Variants in TENM2 observed in about 807,000 individuals in gnomAD.
TENM2 encodes teneurin-2.
Under a neutral mutation model 245.2 loss-of-function variants are expected in TENM2, and 52 were observed. The ratio of observed to expected loss-of-function variants is 0.21; its 90% CI spans 0.17 to 0.27. TENM2 has a LOEUF of 0.27. Among genes scored for constraint, TENM2 ranks in the 10% least tolerant of loss-of-function variants. The probability of loss-of-function intolerance (pLI) is 1.00; values close to 1 mark genes in which losing one functional copy is unlikely to be tolerated. For missense variants in TENM2, 3,046 were observed against 3,666.8 expected (o/e 0.83, Z 4.37); for synonymous variants, 1,363 against 1,438.9 (o/e 0.95, Z 1.19).
rs113230106 is a variant in TENM2 at position 167,306,075 on chromosome 5, G to C, written c.226+21012G>C. On this transcript the variant is annotated intron_variant, in intron 1 of 28. Coordinates refer to ENST00000518659, the Ensembl canonical transcript of TENM2. Reference sequence around the variant, plus strand: ...AAAGCTACCCAGGGTTGCTTAAGGGGAACCAGCATCCCAATATCTAGAAGA... The same window carrying C: ...AAAGCTACCCAGGGTTGCTTAAGGGCAACCAGCATCCCAATATCTAGAAGA... 1.1e-3 allele frequency among the ~76,000 whole-genome samples: 173 copies of C among 152,290 alleles called. 1 individual carries two copies. Among genetic ancestry groups the C allele is most frequent in the African/African-American group, 4.1e-3 (169 of 41,566 alleles).
intron 14 of TENM2, 105 bp downstream of exon 16, chr5:168,190,652 C>G: frequency 1.0e-6 from 1 of 1,000,238 alleles, no homozygotes; most frequent in Non-Finnish European, 1.5e-6. Flanking sequence ...GGCCTGGAAT[C>G]TGCCCCCCTA....
intron 2 of TENM2, among the ~76,000 whole-genome samples, chr5:167,545,679 G>A (rs1390554024): frequency 2.6e-5 from 4 of 152,086 alleles, no homozygotes; most frequent in Non-Finnish European, 5.9e-5. Flanking sequence ...ATGGTTTTAT[G>A]CTTTTATGGG....
chr5:168,238,127 AGAGT>A (rs1008904226), intron 25 of TENM2, among the ~76,000 whole-genome samples: 2 of 138,192 alleles, frequency 1.4e-5, no homozygotes, highest in East Asian at 2.4e-4. Context: ...CCTGGGAGAT[AGAGT>A]GAGACTCCAT....
chr5:167,529,064 A>C (rs1302097215), intron 2 of TENM2, among the ~76,000 whole-genome samples: 1 of 152,230 alleles, frequency 6.6e-6, no homozygotes, highest in Non-Finnish European at 1.5e-5. Flanking sequence ...AAAGATAATA[A>C]TCAGTAAGAA....
At chr5:167,657,040 A>G (rs1446679478) in intron 2 of TENM2, among the ~76,000 whole-genome samples, 1 of 151,474 alleles carries the variant, frequency 6.6e-6, no homozygotes, top group African/African-American at 2.4e-5. Context: ...TACCAGTGGT[A>G]CAAAACACTT....
In TENM2 at chr5:168,022,594, T is replaced by G. The variant is rs1786249526; in HGVS notation, c.1187-24833T>G. ...GCTTTGTGCATTTACAATAAGTGCC[T>G]GCCAAGCATGAGTGTTGCAGGATTA... On this transcript the variant is annotated intron_variant, in intron 5 of 28. Transcript: ENST00000518659. 2.0e-5 allele frequency among the ~76,000 whole-genome samples: 3 copies of G among 152,210 alleles called. No homozygotes were observed. The South Asian group carries it at 6.2e-4, about 32-fold the overall frequency.
chr5:168,113,143 C>G (rs1441237776), intron 9 of TENM2, among the ~76,000 whole-genome samples: 1 of 151,922 alleles, frequency 6.6e-6, no homozygotes, highest in Non-Finnish European at 1.5e-5. Context: ...ATAAAGAGAC[C>G]CCGTCTCTAC....
chr5:167,427,831 G>A (rs1381250070), intron 2 of TENM2, among the ~76,000 whole-genome samples: 9 of 128,434 alleles, frequency 7.0e-5, no homozygotes, highest in Non-Finnish European at 9.5e-5. Context: ...AGGAAGGGAC[G>A]GGAGGGAAGG....
intron 4 of TENM2, among the ~76,000 whole-genome samples, chr5:167,958,807 G>A (rs764430785): frequency 4.6e-5 from 7 of 152,050 alleles, no homozygotes; most frequent in Non-Finnish European, 7.4e-5. Context: ...GAATATTGGC[G>A]CCCACTCTCT....
intron 2 of TENM2, among the ~76,000 whole-genome samples, chr5:167,680,926 A>ATTGT (rs1756664786): frequency 9.3e-6 from 1 of 107,374 alleles, no homozygotes; most frequent in African/African-American, 5.0e-5. Context: ...TGTGTCATAA[A>ATTGT]CTTGAATGAT....
intron 5 of TENM2, among the ~76,000 whole-genome samples, chr5:168,034,825 T>A (rs1484289529): frequency 6.6e-6 from 1 of 152,152 alleles, no homozygotes. Flanking sequence ...CCAGAGAGCA[T>A]GCAGGAGGAG....
At chr5:167,600,067 ACCCAGGAGGCGG>A in intron 2 of TENM2, among the ~76,000 whole-genome samples, 5 of 151,780 alleles carry the variant, frequency 3.3e-5, no homozygotes, top group African/African-American at 4.8e-5. Flanking sequence ...AATTGCTTGA[ACCCAGGAGGCGG>A]AGTTTGCTTC....
the TENM2 span, among the ~76,000 whole-genome samples, chr5:167,185,696 C>T: frequency 6.6e-6 from 1 of 151,136 alleles, no homozygotes; most frequent in South Asian, 2.1e-4. Flanking sequence ...TCATTTGGTT[C>T]CATTTCTTGA....
the TENM2 span, among the ~76,000 whole-genome samples, chr5:167,137,062 T>C: frequency 6.6e-6 from 1 of 152,312 alleles, no homozygotes. Flanking sequence ...AGACTTCTCA[T>C]GGCAGAGACT....
intron 2 of TENM2, among the ~76,000 whole-genome samples, chr5:167,601,815 T>C (rs1354054961): frequency 6.6e-6 from 1 of 152,144 alleles, no homozygotes; most frequent in East Asian, 1.9e-4. Flanking sequence ...TTAGTAAAAA[T>C]TGCAAACACA....
chr5:168,014,387 G>A (rs1164517811), intron 5 of TENM2, among the ~76,000 whole-genome samples: 1 of 151,852 alleles, frequency 6.6e-6, no homozygotes, highest in African/African-American at 2.4e-5. Flanking sequence ...TAAGTAAGAG[G>A]GCCAGGTCTC....
At chr5:167,130,145 CT>C in the TENM2 span, among the ~76,000 whole-genome samples, 1 of 152,114 alleles carries the variant, frequency 6.6e-6, no homozygotes, top group African/African-American at 2.4e-5. Flanking sequence ...AATTCAATGG[CT>C]TGGGCACAAC....
intron 1 of TENM2, among the ~76,000 whole-genome samples, chr5:167,361,974 A>G (rs1157829605): frequency 1.3e-5 from 2 of 152,172 alleles, no homozygotes; most frequent in Non-Finnish European, 2.9e-5. Context: ...GTGATGACAT[A>G]AGAATTTTTT....
chr5:167,139,763 G>A, the TENM2 span, among the ~76,000 whole-genome samples: 1 of 152,038 alleles, frequency 6.6e-6, no homozygotes, highest in Non-Finnish European at 1.5e-5. Flanking sequence ...AAATGAACAC[G>A]TGCCAGAAGA....
Sources: allele counts gnomAD v4.1 joint callset (sites outside exome capture counted in the v4.1 genomes callset), GRCh38; gene constraint gnomAD v4.1.1; transcripts MANE v1.5; gene names NCBI Gene and HGNC (gene_info 2026-07-23, HGNC 2026-07-21).